The following FANCL variants were observed in gnomAD, a reference collection of about 807,000 sequenced individuals.
The protein encoded by FANCL is E3 ubiquitin-protein ligase FANCL.
Under a neutral mutation model 59.4 loss-of-function variants are expected in FANCL, and 69 were observed. That is an observed-to-expected ratio of 1.16 (90% CI 0.96 to 1.42). FANCL has a LOEUF of 1.42. Ranked by LOEUF, FANCL falls within the 40% of genes most tolerant of loss-of-function variation. The pLI is 0.00. For synonymous variants in FANCL, 180 were observed against 147.1 expected (o/e 1.22, Z -1.62); for missense variants, 519 against 447.2 (o/e 1.16, Z -1.45).
chr2:58,202,092 T>C (rs555209390), intron 6 of FANCL, among the ~76,000 whole-genome samples: 2 of 150,620 alleles, frequency 1.3e-5, no homozygotes, highest in East Asian at 3.9e-4. Context: ...GCCCAATTTC[T>C]TTTTTTTTCC....
chr2:58,217,800 A>T (rs554085451), intron 5 of FANCL, among the ~76,000 whole-genome samples: 22 of 152,206 alleles, frequency 1.4e-4, no homozygotes, highest in African/African-American at 3.9e-4. Context: ...ACAAAAAAAA[A>T]AAATAAATCA....
intron 8 of FANCL, 41 bp downstream of exon 8, chr2:58,165,683 A>G (rs1050763163): frequency 1.9e-6 from 3 of 1,611,886 alleles, no homozygotes; most frequent in Non-Finnish European, 2.5e-6. Context: ...AATACAAAAT[A>G]AAACACCTAA....
At chr2:58,184,999 G>A (rs766220225) in intron 7 of FANCL, among the ~76,000 whole-genome samples, 19 of 152,066 alleles carry the variant, frequency 1.2e-4, no homozygotes, top group South Asian at 2.1e-4. Context: ...ATGCCTTAAC[G>A]TGGGGTAGGA....
At chr2:58,238,364 A>T (rs1181485576) in intron 1 of FANCL, among the ~76,000 whole-genome samples, 2 of 152,196 alleles carry the variant, frequency 1.3e-5, no homozygotes, top group Non-Finnish European at 2.9e-5. Flanking sequence ...GCAAATTTCA[A>T]ATCCACAGAA....
chr2:58,175,294 A>T (rs1196916961), intron 7 of FANCL, among the ~76,000 whole-genome samples: 1 of 149,190 alleles, frequency 6.7e-6, no homozygotes, highest in Non-Finnish European at 1.5e-5. Flanking sequence ...TGAGGCCAGC[A>T]TCATTCTGAT....
chr2:58,209,379 G>A (rs188238175), intron 5 of FANCL, among the ~76,000 whole-genome samples: 1 of 151,722 alleles, frequency 6.6e-6, no homozygotes, highest in African/African-American at 2.4e-5. Flanking sequence ...AGAAAAACAT[G>A]ATTTTTTTTT....
At position 58,229,859 on chromosome 2, in the gene FANCL, C is replaced by T; in HGVS notation, c.171G>A (p.Trp57Ter). ...ATCCACTAAGTATTGTTCTCAGCTG[C>T]CAACTACATAATAATCTAAAATTTT... ...QLKNARLLCSWQLRTILSGYH... is the reference protein window; with the variant it reads ...QLKNARLLCS The change falls in exon 3 of 14, where the codon TGG becomes TGA. Residue 57 changes from tryptophan to a stop codon, truncating the protein, a stop_gained. Coordinates refer to ENST00000233741, the MANE Select transcript of FANCL (RefSeq NM_018062.4). LOFTEE classifies it high-confidence loss of function. 1 of 1,610,072 alleles carries T rather than the reference C, an allele frequency of 6.2e-7. No homozygotes were observed. The highest frequency in any genetic ancestry group is 1.1e-5 in the South Asian group (1 of 90,984).
chr2:58,176,520 G>A (rs1413373060), intron 7 of FANCL, among the ~76,000 whole-genome samples: 2 of 152,128 alleles, frequency 1.3e-5, no homozygotes, highest in Non-Finnish European at 2.9e-5. Flanking sequence ...AGAAACACAA[G>A]CAATGGGGAA....
rs371587235 is a variant in FANCL at position 58,181,584 on chromosome 2, C to T, written c.541-15710G>A. Among the ~76,000 whole-genome samples the T allele has an allele frequency of 2.4e-4, 36 of 151,850 alleles. 1 individual carries two copies. The highest frequency in any genetic ancestry group is 9.6e-4 in the East Asian group (5 of 5,192). ...ATATTTTGAAGAAAGTATTCAGATA[C>T]CTGCAAGTTACTTTGTATAGAACTA... On this transcript the variant is annotated intron_variant, in intron 7 of 13. Transcript: ENST00000233741.
chr2:58,179,389 A>G (rs1055240941), intron 7 of FANCL, among the ~76,000 whole-genome samples: 3 of 152,210 alleles, frequency 2.0e-5, no homozygotes, highest in African/African-American at 7.2e-5. Flanking sequence ...AAACAGAGAT[A>G]TAGACCAATG....
intron 1 of FANCL, among the ~76,000 whole-genome samples, chr2:58,240,655 A>G (rs1694439311): frequency 6.6e-6 from 1 of 152,164 alleles, no homozygotes; most frequent in South Asian, 2.1e-4. Context: ...TAAACTCCAT[A>G]TGAGAGGCCA....
rs1689676795 is a variant in FANCL at position 58,198,625 on chromosome 2, G to A, written c.509C>T (p.Pro170Leu). ...AESPDYFVDFPVPFCASWTPQ... is the reference protein window; with the variant it reads ...AESPDYFVDFLVPFCASWTPQ... ...TGTCCAGGAGGCACAAAATGGAACA[G>A]GAAAATCCACAAAATAATCTGGTGA... Residue 170 changes from proline (P) to leucine (L), a missense_variant, in exon 7 of 14, where the codon CCT becomes CTT. Physicochemically the swap from Pro to Leu is moderately conservative, Grantham distance 98. Coordinates refer to ENST00000233741, the MANE Select transcript of FANCL (RefSeq NM_018062.4). The A allele has an allele frequency of 1.2e-6, 2 of 1,613,896 alleles. No homozygotes were observed. The highest frequency in any genetic ancestry group is 1.7e-6 in the Non-Finnish European group (2 of 1,179,868).
intron 5 of FANCL, among the ~76,000 whole-genome samples, chr2:58,220,084 T>C (rs1373737406): frequency 1.3e-5 from 2 of 152,226 alleles, no homozygotes; most frequent in African/African-American, 4.8e-5. Flanking sequence ...ACAGAGACTT[T>C]AAGCAGTCCA....
In FANCL at chr2:58,192,256, A is replaced by C. The variant is rs529736821; in HGVS notation, c.540+6338T>G. ...TCAAATCTTCTACAAAGCTTAAACC[A>C]ATTTTTATAATCTTAGAAATCAACT... is the stretch of plus-strand genomic sequence containing the variant. On this transcript the variant is annotated intron_variant, in intron 7 of 13. Coordinates refer to ENST00000233741, the MANE Select transcript of FANCL (RefSeq NM_018062.4). Among the ~76,000 whole-genome samples the C allele has an allele frequency of 7.2e-5, 11 of 152,078 alleles. No homozygotes were observed. The South Asian group carries it at 2.3e-3, about 31-fold the overall frequency.
At position 58,159,670 on chromosome 2, in the gene FANCL, T is replaced by C. The variant is rs76348639; in HGVS notation, c.*95A>G. 1.4e-3 allele frequency: 2,207 copies of C among 1,612,846 alleles called. 26 individuals are homozygous for C. In the African/African-American group the frequency reaches 0.025, roughly 18 times the overall value. On this transcript the variant is annotated 3_prime_UTR_variant, in exon 14 of 14. Transcript: ENST00000233741. Reference sequence around the variant, plus strand: ...CATACCTGTCCTTTTGATGTTAGTATTTCTTGCTTTATTTTTTCTCTGAAG... The same window carrying C: ...CATACCTGTCCTTTTGATGTTAGTACTTCTTGCTTTATTTTTTCTCTGAAG...
At chr2:58,201,536 G>T (rs1244623590) in intron 6 of FANCL, among the ~76,000 whole-genome samples, 3 of 151,924 alleles carry the variant, frequency 2.0e-5, no homozygotes, top group Non-Finnish European at 4.4e-5. Context: ...CATACAAATT[G>T]CAGCAGAGAA....
intron 7 of FANCL, among the ~76,000 whole-genome samples, chr2:58,186,688 T>G (rs940100930): frequency 6.6e-6 from 1 of 152,206 alleles, no homozygotes; most frequent in African/African-American, 2.4e-5. Context: ...TAGATATGTA[T>G]GTATGCCTTG....
chr2:58,178,434 A>C (rs1333353954), intron 7 of FANCL, among the ~76,000 whole-genome samples: 1 of 152,212 alleles, frequency 6.6e-6, no homozygotes, highest in African/African-American at 2.4e-5. Flanking sequence ...AACATAAGCA[A>C]ATCAATAAAC....
At chr2:58,162,591 T>A (rs935683387) in intron 11 of FANCL, among the ~76,000 whole-genome samples, 5 of 151,562 alleles carry the variant, frequency 3.3e-5, no homozygotes, top group African/African-American at 9.7e-5. Context: ...AGGGCCGACT[T>A]CTTCTATATA....
Sources: gnomAD v4.1 joint callset for allele counts (sites outside exome capture counted in the v4.1 genomes callset) on GRCh38, gnomAD v4.1.1 for gene constraint, MANE v1.5 for transcripts, NCBI Gene and HGNC (gene_info 2026-07-23, HGNC 2026-07-21) for gene names.